PKHD1: variants seen among roughly 807,000 people sequenced by gnomAD.
PKHD1 encodes PKHD1 ciliary IPT domain containing fibrocystin/polyductin.
PKHD1 carries 291 observed loss-of-function variants against 412.0 expected under a neutral mutation model. That is an observed-to-expected ratio of 0.71 (90% CI 0.64 to 0.78). PKHD1 has a LOEUF of 0.78. Ranked by LOEUF, PKHD1 falls within the 30% of genes least tolerant of loss-of-function variation. PKHD1 has a pLI of 0.00. For missense variants in PKHD1, 4,825 were observed against 4,950.7 expected (o/e 0.97, Z 0.76); for synonymous variants, 1,777 against 1,821.5 (o/e 0.98, Z 0.62).
chr6:52,075,075 G>C (rs565352844), intron 6 of PKHD1, among the ~76,000 whole-genome samples: 3 of 152,234 alleles, frequency 2.0e-5, no homozygotes, highest in Admixed American at 1.3e-4. Flanking sequence ...AGAGCAGCAG[G>C]GACCCACATG....
chr6:51,631,320 C>A (rs1474900172), intron 65 of PKHD1, among the ~76,000 whole-genome samples: 1 of 152,110 alleles, frequency 6.6e-6, no homozygotes, highest in Non-Finnish European at 1.5e-5. Context: ...AGGTCAAGAT[C>A]CCCTTCTTCT....
chr6:51,639,014 T>C, intron 63 of PKHD1, 58 bp from the exon 64 acceptor site: 1 of 1,216,516 alleles, frequency 8.2e-7, no homozygotes, highest in Non-Finnish European at 1.2e-6. Context: ...GAACAATGTC[T>C]TCATGTCTTC....
At chr6:51,751,415 G>C (rs543350983) in intron 57 of PKHD1, among the ~76,000 whole-genome samples, 1 of 152,286 alleles carries the variant, frequency 6.6e-6, no homozygotes, top group East Asian at 1.9e-4. Flanking sequence ...AAAATTTGAA[G>C]AAAGTCTTGA....
intron 34 of PKHD1, 93 bp downstream of exon 34, chr6:52,017,317 C>T: frequency 1.1e-6 from 1 of 933,610 alleles, no homozygotes; most frequent in Non-Finnish European, 1.8e-6. Flanking sequence ...GGCTGCCAGG[C>T]CACATCCACC....
At chr6:51,925,922 T>C (rs887328483) in intron 37 of PKHD1, among the ~76,000 whole-genome samples, 32 of 150,502 alleles carry the variant, frequency 2.1e-4, no homozygotes, top group African/African-American at 7.8e-4. Context: ...TTCAAGCAAA[T>C]ATTTTTTAAA....
intron 18 of PKHD1, among the ~76,000 whole-genome samples, 191 bp from the exon 19 acceptor site, chr6:52,055,920 A>G (rs1456568121): frequency 1.3e-5 from 2 of 152,198 alleles, no homozygotes; most frequent in African/African-American, 2.4e-5. Flanking sequence ...TAACTCCCCC[A>G]GCATCCTTGG....
intron 22 of PKHD1, among the ~76,000 whole-genome samples, chr6:52,048,933 C>T (rs1403060180): frequency 6.6e-6 from 1 of 152,084 alleles, no homozygotes; most frequent in Non-Finnish European, 1.5e-5. Flanking sequence ...CTTTTCCTGC[C>T]CAGAGGACCA....
At chr6:51,961,855 T>C (rs545902599) in intron 35 of PKHD1, among the ~76,000 whole-genome samples, 15 of 152,124 alleles carry the variant, frequency 9.9e-5, no homozygotes, top group Non-Finnish European at 1.9e-4. Flanking sequence ...ATCCCATAAT[T>C]TTACAGATGC....
At chr6:51,907,628 A>G (rs1782314971) in intron 40 of PKHD1, among the ~76,000 whole-genome samples, 2 of 152,166 alleles carry the variant, frequency 1.3e-5, no homozygotes, top group South Asian at 2.1e-4. Context: ...CATCCTGCAC[A>G]TGTACCCTAG....
chr6:52,082,509 C>T lies in PKHD1; in HGVS notation c.164G>A (p.Gly55Asp), dbSNP rs148070358. The change falls in exon 4 of 67, where the codon GGC (glycine) becomes GAC (aspartate). Residue 55 changes from glycine to aspartate, a missense_variant. Transcript: ENST00000371117. ...CACCAGGTGTATCTCCAATTGAGAG[C>T]CATTGTTGGGGTAAAGAACACCCAA... is the stretch of plus-strand genomic sequence containing the variant. ...LELGVLYPNN[G>D]SQLEIHLVNV... The T allele has an allele frequency of 2.5e-6, 4 of 1,614,046 alleles. No individual in the cohort carries two copies. The highest frequency in any genetic ancestry group is 3.4e-6 in the Non-Finnish European group (4 of 1,179,946).
intron 36 of PKHD1, among the ~76,000 whole-genome samples, chr6:51,937,703 G>A (rs1374668696): frequency 1.3e-5 from 2 of 152,094 alleles, no homozygotes; most frequent in Non-Finnish European, 2.9e-5. Context: ...ACCCCGCATA[G>A]GTATCCAGTT....
intron 65 of PKHD1, among the ~76,000 whole-genome samples, chr6:51,631,320 C>T (rs1474900172): frequency 6.6e-6 from 1 of 152,110 alleles, no homozygotes; most frequent in Non-Finnish European, 1.5e-5. Flanking sequence ...AGGTCAAGAT[C>T]CCCTTCTTCT....
At chr6:51,619,663 A>G in intron 66 of PKHD1, 143 bp from the exon 67 acceptor site, 1 of 687,862 alleles carries the variant, frequency 1.5e-6, no homozygotes, top group Non-Finnish European at 2.5e-6. Context: ...AATATCTTTT[A>G]TCAGACACTC....
At chr6:51,731,464 C>T (rs903105453) in intron 60 of PKHD1, among the ~76,000 whole-genome samples, 2 of 152,208 alleles carry the variant, frequency 1.3e-5, no homozygotes, top group South Asian at 2.1e-4. Flanking sequence ...AATCTTGATG[C>T]TTTGGTTGGA....
In PKHD1 at chr6:52,037,165, T is replaced by A. The variant is rs976737499; in HGVS notation, c.3098-1444A>T. 2.6e-5 allele frequency among the ~76,000 whole-genome samples: 4 copies of A among 152,132 alleles called. No individual in the cohort carries two copies. In the East Asian group the frequency reaches 7.7e-4, roughly 29 times the overall value. ...TAAATTATTCAGTAAATAAAATAAG[T>A]AAATATCACTGAAAAAAAACTAAAT... On this transcript the variant is annotated intron_variant, in intron 27 of 66. Transcript: ENST00000371117.
chr6:51,989,969 A>AGGG lies in PKHD1; in HGVS notation c.5751+20339_5751+20340insCCC, dbSNP rs1401906884. Reference sequence around the variant, plus strand: ...GAAGAAAGGAAGGAAAGAAGGAAGGAAGGAAGGAAGGAAGGGAGAGATACA... The same window carrying AGGG: ...GAAGAAAGGAAGGAAAGAAGGAAGGAGGGAGGAAGGAAGGAAGGGAGAGATACA... On this transcript the variant is annotated intron_variant, in intron 35 of 66. Coordinates refer to ENST00000371117, the MANE Select transcript of PKHD1 (RefSeq NM_138694.4). 2.3e-4 allele frequency among the ~76,000 whole-genome samples: 22 copies of AGGG among 97,448 alleles called. 1 individual carries two copies. The highest frequency in any genetic ancestry group is 2.0e-3 in the East Asian group (6 of 3,006). The allele number at this position is 97,448 out of a possible 152,430, so 63.9% of individuals were successfully genotyped here. A position where few individuals can be genotyped will look rare whatever the true frequency, so the allele number is the denominator to read the frequency against.
intron 60 of PKHD1, among the ~76,000 whole-genome samples, chr6:51,673,910 A>C (rs963405546): frequency 6.6e-6 from 1 of 152,062 alleles, no homozygotes; most frequent in African/African-American, 2.4e-5. Flanking sequence ...CCAAGTACAA[A>C]CTTTCTCACA....
Position 51,746,804 on chromosome 6 carries a change from A to T in PKHD1, c.9915T>A (p.Ile3305=). Reference sequence around the variant, plus strand: ...TCCTCTCTGCTGTTATTGGGTGCATAATTCCACTGTTCTCTGCATTTGGTA... The same window carrying T: ...TCCTCTCTGCTGTTATTGGGTGCATTATTCCACTGTTCTCTGCATTTGGTA... The part of the protein sequence containing the change: ...CILPNAENSG[I]MHPITAERTR... The change falls in exon 59 of 67, where the codon ATT becomes ATA. Residue 3305 remains isoleucine, a synonymous_variant. Transcript: ENST00000371117. The T allele has an allele frequency of 6.2e-7, 1 of 1,610,662 alleles. No individual in the cohort carries two copies. Among genetic ancestry groups the T allele is most frequent in the Non-Finnish European group, 8.5e-7 (1 of 1,177,036 alleles).
chr6:52,074,079 A>G (rs146669582), intron 6 of PKHD1, among the ~76,000 whole-genome samples: 1 of 152,336 alleles, frequency 6.6e-6, no homozygotes, highest in Non-Finnish European at 1.5e-5. Flanking sequence ...ATATTTAACC[A>G]TGTATACTTA....
Sources: gnomAD v4.1 joint callset for allele counts (sites outside exome capture counted in the v4.1 genomes callset) on GRCh38, gnomAD v4.1.1 for gene constraint, MANE v1.5 for transcripts, NCBI Gene and HGNC (gene_info 2026-07-23, HGNC 2026-07-21) for gene names.